The following HDAC9 variants were observed in gnomAD, a reference collection of about 807,000 sequenced individuals.
HDAC9 encodes the protein MEF-2 interacting transcription repressor (MITR) protein.
HDAC9 carries 41 observed loss-of-function variants against 139.4 expected under a neutral mutation model. That is an observed-to-expected ratio of 0.29 (90% CI 0.23 to 0.38). The LOEUF (loss-of-function observed/expected upper bound fraction) is 0.38. Among genes scored for constraint, HDAC9 ranks in the 10% least tolerant of loss-of-function variants. HDAC9 has a pLI of 1.00. For synonymous variants in HDAC9, 517 were observed against 476.2 expected (o/e 1.09, Z -1.12); for missense variants, 1,147 against 1,297.0 (o/e 0.88, Z 1.78).
intron 2 of HDAC9, among the ~76,000 whole-genome samples, chr7:18,197,569 A>G (rs1391698639): frequency 6.6e-6 from 1 of 152,156 alleles, no homozygotes; most frequent in Non-Finnish European, 1.5e-5. Flanking sequence ...TTCACAGGTG[A>G]ATGAGAGAGA....
At chr7:18,589,753 A>G (rs990421327) in intron 3 of HDAC9, among the ~76,000 whole-genome samples, 1 of 152,166 alleles carries the variant, frequency 6.6e-6, no homozygotes, top group Non-Finnish European at 1.5e-5. Flanking sequence ...TTGAGAGACT[A>G]TATGTATATA....
chr7:18,208,245 A>G lies in HDAC9; in HGVS notation c.25+45896A>G, dbSNP rs149063975. 1.6e-3 allele frequency among the ~76,000 whole-genome samples: 238 copies of G among 152,236 alleles called. 1 individual carries two copies. The highest frequency in any genetic ancestry group is 5.4e-3 in the African/African-American group (225 of 41,540). ...CAGATGACCACCTTTCACATTTTCT[A>G]TCTCATCCTAGCTACCACTTCTCCC... On this transcript the variant is annotated intron_variant, in intron 2 of 12. Transcript: ENST00000417496.
rs1381465476 is a variant in HDAC9 at position 18,874,521 on chromosome 7, G to A, written c.2728G>A (p.Val910Ile). Residue 910 changes from valine (V) to isoleucine (I), a missense_variant, in exon 22 of 26, where the codon GTC becomes ATC. Val to Ile is a conservative substitution (Grantham distance 29). Transcript: ENST00000686413. ...GGCCAAAGAGTTTGATCCAGACATGGTCTTAGTATCTGCTGGATTTGATGC... is the reference window on the plus strand; with the variant it reads ...GGCCAAAGAGTTTGATCCAGACATGATCTTAGTATCTGCTGGATTTGATGC... The part of the protein sequence containing the change: ...PVAKEFDPDM[V>I]LVSAGFDALE... 1 of 1,594,698 alleles carries A rather than the reference G, an allele frequency of 6.3e-7. No individual in the cohort carries two copies. Among genetic ancestry groups the A allele is most frequent in the Non-Finnish European group, 8.5e-7 (1 of 1,169,698 alleles).
chr7:18,739,161 C>A (rs1005250110), intron 13 of HDAC9, among the ~76,000 whole-genome samples: 41 of 152,300 alleles, frequency 2.7e-4, no homozygotes, highest in African/African-American at 9.6e-4. Flanking sequence ...AGCCATTCAT[C>A]TAATCTTTTT....
At chr7:18,603,431 C>G (rs548330108) in intron 6 of HDAC9, among the ~76,000 whole-genome samples, 1 of 152,178 alleles carries the variant, frequency 6.6e-6, no homozygotes, top group African/African-American at 2.4e-5. Context: ...GTGCTCTCTA[C>G]TCTCTTAACA....
At chr7:18,920,459 T>A (rs1165699183) in intron 22 of HDAC9, among the ~76,000 whole-genome samples, 1 of 152,114 alleles carries the variant, frequency 6.6e-6, no homozygotes, top group Non-Finnish European at 1.5e-5. Context: ...TTTGACTTCC[T>A]CTTTTCCTAA....
intron 16 of HDAC9, among the ~76,000 whole-genome samples, chr7:18,781,138 A>C (rs950118146): frequency 2.6e-5 from 4 of 152,032 alleles, no homozygotes; most frequent in Admixed American, 6.6e-5. Flanking sequence ...TTCTTTTCTT[A>C]TAAGGACATC....
chr7:18,177,142 G>C (rs1788979970), intron 2 of HDAC9, among the ~76,000 whole-genome samples: 1 of 152,134 alleles, frequency 6.6e-6, no homozygotes, highest in African/African-American at 2.4e-5. Context: ...CTTTTATTCT[G>C]CCTAAGTCCA....
chr7:18,250,425 G>A (rs562655416), intron 2 of HDAC9, among the ~76,000 whole-genome samples: 2 of 152,276 alleles, frequency 1.3e-5, no homozygotes, highest in Admixed American at 6.5e-5. Context: ...ATGTCCCTGA[G>A]CCTTCAGTTG....
chr7:18,686,387 T>G (rs1432279290), intron 12 of HDAC9, among the ~76,000 whole-genome samples: 1 of 151,976 alleles, frequency 6.6e-6, no homozygotes, highest in Non-Finnish European at 1.5e-5. Context: ...GGCTTCACAG[T>G]TGTGGCCCTG....
chr7:18,953,400 G>C lies in HDAC9; in HGVS notation c.2938-746G>C, dbSNP rs112490933. The stretch of plus-strand genomic sequence containing the variant: ...TCTGAGGGATGTGTTATCAGACTTA[G>C]GCCTAACAGATAGGCTCTGTAAATT... On this transcript the variant is annotated intron_variant, in intron 23 of 25. Coordinates refer to ENST00000686413, the MANE Select transcript of HDAC9 (RefSeq NM_178425.4). Among the ~76,000 whole-genome samples the C allele has an allele frequency of 2.2e-3, 337 of 152,176 alleles. 1 individual carries two copies. The highest frequency in any genetic ancestry group is 7.5e-3 in the African/African-American group (313 of 41,542).
intron 22 of HDAC9, among the ~76,000 whole-genome samples, chr7:18,915,048 A>C (rs922512978): frequency 2.0e-5 from 3 of 152,096 alleles, no homozygotes; most frequent in African/African-American, 4.8e-5. Context: ...TGTTCAAATA[A>C]AGATATATGA....
At chr7:18,964,072 C>T (rs1252618414) in intron 24 of HDAC9, among the ~76,000 whole-genome samples, 2 of 152,154 alleles carry the variant, frequency 1.3e-5, no homozygotes, top group Non-Finnish European at 2.9e-5. Flanking sequence ...CCAGAGATTT[C>T]CCCAATGCAG....
At chr7:18,462,701 A>G (rs1253255283) in intron 1 of HDAC9, among the ~76,000 whole-genome samples, 1 of 152,012 alleles carries the variant, frequency 6.6e-6, no homozygotes, top group Non-Finnish European at 1.5e-5. Flanking sequence ...AATGTCGTTT[A>G]TAACTTTAGT....
chr7:18,584,674 T>G (rs532250833), intron 2 of HDAC9, among the ~76,000 whole-genome samples: 1 of 152,184 alleles, frequency 6.6e-6, no homozygotes, highest in Non-Finnish European at 1.5e-5. Context: ...ACTTAGAAAC[T>G]TGGCTACTTT....
chr7:18,442,928 G>T (rs1351821663), intron 1 of HDAC9, among the ~76,000 whole-genome samples: 1 of 152,078 alleles, frequency 6.6e-6, no homozygotes, highest in Non-Finnish European at 1.5e-5. Flanking sequence ...CTATATTTGG[G>T]GCTTCAACTA....
chr7:18,783,626 C>T (rs1791439726), intron 16 of HDAC9, among the ~76,000 whole-genome samples: 1 of 151,732 alleles, frequency 6.6e-6, no homozygotes, highest in East Asian at 1.9e-4. Context: ...TGATGGTTAC[C>T]ACACAAGGAA....
rs801516 is a variant in HDAC9 at position 18,613,746 on chromosome 7, G to A, written c.665-15604G>A. Among the ~76,000 whole-genome samples the A allele has an allele frequency of 9.1e-3, 1,384 of 152,032 alleles. 22 individuals are homozygous for A. Among genetic ancestry groups the A allele is most frequent in the African/African-American group, 0.031 (1,293 of 41,476 alleles). On this transcript the variant is annotated intron_variant, in intron 6 of 25. Coordinates refer to ENST00000686413, the MANE Select transcript of HDAC9 (RefSeq NM_178425.4). ...AAAAATGTGTATCATCTGATTCAGCGTTTGGTCTCTTCTAAATCAGTGTTC... is the reference window on the plus strand; with the variant it reads ...AAAAATGTGTATCATCTGATTCAGCATTTGGTCTCTTCTAAATCAGTGTTC...
chr7:18,611,567 G>A (rs770813262), intron 6 of HDAC9, among the ~76,000 whole-genome samples: 1 of 152,124 alleles, frequency 6.6e-6, no homozygotes, highest in Non-Finnish European at 1.5e-5. Flanking sequence ...TATTATGGCA[G>A]TATGTACAAT....
Sources: allele counts gnomAD v4.1 joint callset (sites outside exome capture counted in the v4.1 genomes callset), GRCh38; gene constraint gnomAD v4.1.1; transcripts MANE v1.5; gene names NCBI Gene and HGNC (gene_info 2026-07-23, HGNC 2026-07-21).